Variants in PPAT observed in about 807,000 individuals in gnomAD.
PPAT encodes amidophosphoribosyltransferase.
In PPAT, 20 loss-of-function variants were observed where a neutral mutation model predicts 60.2. The ratio of observed to expected loss-of-function variants is 0.33; its 90% CI spans 0.23 to 0.48. PPAT has a LOEUF of 0.48. PPAT is among the 20% of genes least tolerant of loss of function. PPAT has a pLI of 0.99. For synonymous variants in PPAT, 194 were observed against 215.1 expected (o/e 0.90, Z 0.86); for missense variants, 349 against 629.6 (o/e 0.55, Z 4.77).
At chr4:56,426,289 C>G (rs1394925203) in intron 1 of PPAT, among the ~76,000 whole-genome samples, 4 of 152,062 alleles carry the variant, frequency 2.6e-5, no homozygotes, top group African/African-American at 4.8e-5. Flanking sequence ...GTGGTCTCAG[C>G]TACTCGGGAG....
In PPAT at chr4:56,396,453, C is replaced by G. The variant is rs1715969383; in HGVS notation, c.1357+166G>C. Reference sequence around the variant, plus strand: ...CAACACAAGACTCTGTGGTGTCTGCCCATGCCCACTACTCTCACTGTTGAG... The same window carrying G: ...CAACACAAGACTCTGTGGTGTCTGCGCATGCCCACTACTCTCACTGTTGAG... On this transcript the variant is annotated intron_variant, in intron 10 of 10. Coordinates refer to ENST00000264220, the MANE Select transcript of PPAT (RefSeq NM_002703.5). The surrounding 1 kb of genome is among the most constrained non-coding windows in gnomAD (Gnocchi z 4.6). The G allele has an allele frequency of 1.7e-6, 1 of 594,680 alleles. No homozygotes were observed. The highest frequency in any genetic ancestry group is 1.9e-5 in the African/African-American group (1 of 52,202). 36.8% of individuals were successfully genotyped at this position (594,680 alleles called of 1,614,324 possible).
intron 1 of PPAT, 21 bp from the exon 2 acceptor site, chr4:56,407,737 T>C (rs1199669734): frequency 6.4e-7 from 1 of 1,567,388 alleles, no homozygotes; most frequent in South Asian, 1.1e-5. Context: ...AAAAAGATAT[T>C]AGCTGTTAAA....
At chr4:56,405,184 T>C (rs1716215062) in intron 3 of PPAT, among the ~76,000 whole-genome samples, 1 of 152,178 alleles carries the variant, frequency 6.6e-6, no homozygotes. Context: ...AACAACATGC[T>C]GTGAACCAAG....
At chr4:56,400,566 C>T (rs6846937) in intron 8 of PPAT, 5,005 of 407,216 alleles carry the variant, frequency 0.012, 241 homozygotes, top group African/African-American at 0.093. Context: ...CTTTAGTGAA[C>T]GTTTTTTTCT....
chr4:56,433,938 C>T (rs1717751649), intron 1 of PPAT, among the ~76,000 whole-genome samples: 1 of 152,176 alleles, frequency 6.6e-6, no homozygotes, highest in East Asian at 1.9e-4. Context: ...GATCCGCCCG[C>T]CTCGGCCTCC....
At chr4:56,395,619 A>G in intron 10 of PPAT, 71 bp from the exon 11 acceptor site, 3 of 1,127,136 alleles carry the variant, frequency 2.7e-6, no homozygotes, top group Non-Finnish European at 3.6e-6. Flanking sequence ...TCAACAGAGA[A>G]TAGTTACAAA....
intron 8 of PPAT, chr4:56,400,465 G>C (rs1015789674): frequency 3.7e-5 from 7 of 190,688 alleles, no homozygotes; most frequent in Non-Finnish European, 6.5e-5. Context: ...CTGTGCAGAG[G>C]GTTGGCACCT....
chr4:56,428,090 T>C (rs940893774), intron 1 of PPAT, among the ~76,000 whole-genome samples: 2 of 152,348 alleles, frequency 1.3e-5, no homozygotes, highest in East Asian at 3.9e-4. Context: ...TTTTAGAATA[T>C]ACTGTTTGAA....
intron 5 of PPAT, among the ~76,000 whole-genome samples, chr4:56,402,765 G>A (rs1299840896): frequency 7.5e-6 from 1 of 133,208 alleles, no homozygotes; most frequent in African/African-American, 2.8e-5. Flanking sequence ...GCAGTGAGCT[G>A]AGATCGCACC....
chr4:56,410,924 A>T, intron 1 of PPAT: 1 of 901,336 alleles, frequency 1.1e-6, no homozygotes, highest in Non-Finnish European at 1.3e-6. Context: ...AAAAAAAAAA[A>T]AAAAGAAAAG....
intron 2 of PPAT, 116 bp from the exon 3 acceptor site, chr4:56,406,817 CTG>C (rs758606570): frequency 3.0e-5 from 22 of 723,142 alleles, no homozygotes; most frequent in Admixed American, 8.6e-5. Flanking sequence ...TTTAATATCT[CTG>C]TGTTTCAGAA....
intron 1 of PPAT, chr4:56,410,702 T>A: frequency 1.0e-6 from 1 of 986,394 alleles, no homozygotes; most frequent in Non-Finnish European, 1.2e-6. Context: ...CTGGGCTAAG[T>A]ACAAAAATCT....
chr4:56,421,120 G>A (rs926156902), intron 1 of PPAT: 6 of 152,214 alleles, frequency 3.9e-5, no homozygotes, highest in East Asian at 1.9e-4. Flanking sequence ...TCAGATCAAC[G>A]GCAACATTAG....
chr4:56,402,850 G>GAAAAAAAA (rs1177644230), intron 5 of PPAT, among the ~76,000 whole-genome samples, 190 bp downstream of exon 5: 2 of 41,142 alleles, frequency 4.9e-5, no homozygotes, highest in African/African-American at 2.0e-4. Context: ...AAAAAAAAAG[G>GAAAAAAAA]GGGGGGACTC....
intron 1 of PPAT, chr4:56,414,099 T>C (rs1159130686): frequency 6.6e-6 from 1 of 152,198 alleles, no homozygotes; most frequent in Non-Finnish European, 1.5e-5. Context: ...TGCCTTATGA[T>C]TTATTTGATC....
chr4:56,430,714 C>A (rs928716052), intron 1 of PPAT, among the ~76,000 whole-genome samples: 4 of 148,414 alleles, frequency 2.7e-5, no homozygotes, highest in Non-Finnish European at 4.5e-5. Flanking sequence ...TCAGGTTAAA[C>A]TGCTAAGGGT....
chr4:56,409,803 T>C (rs1716363024), intron 1 of PPAT, among the ~76,000 whole-genome samples: 1 of 152,224 alleles, frequency 6.6e-6, no homozygotes, highest in African/African-American at 2.4e-5. Context: ...CTTTAGTAGC[T>C]GTTAATACAT....
intron 1 of PPAT, among the ~76,000 whole-genome samples, chr4:56,428,118 T>C (rs1199125108): frequency 1.3e-5 from 2 of 152,258 alleles, no homozygotes; most frequent in Non-Finnish European, 2.9e-5. Context: ...ACAAAATTTC[T>C]TTTGACTCAT....
rs1715904805 is a variant in PPAT at position 56,394,173 on chromosome 4, C to G, written c.*1179G>C. 1.3e-5 allele frequency: 2 copies of G among 151,804 alleles called. No individual in the cohort carries two copies. Among genetic ancestry groups the G allele is most frequent in the Non-Finnish European group, 2.9e-5 (2 of 67,928 alleles). 9.4% of individuals were successfully genotyped at this position (151,804 alleles called of 1,614,324 possible). On this transcript the variant is annotated 3_prime_UTR_variant, in exon 11 of 11. Coordinates refer to ENST00000264220, the MANE Select transcript of PPAT (RefSeq NM_002703.5). ...TCTCAGATGTTACAAGAAAAAACTT[C>G]AAAAAAGAAATCAAATTCATTAGAT... is the stretch of plus-strand genomic sequence containing the variant.
Sources: gnomAD v4.1 joint callset for allele counts (sites outside exome capture counted in the v4.1 genomes callset) on GRCh38, gnomAD v4.1.1 for gene constraint, Gnocchi (gnomAD v3.1) non-coding constraint, MANE v1.5 for transcripts, NCBI Gene and HGNC (gene_info 2026-07-23, HGNC 2026-07-21) for gene names.